The following CAMSAP2 variants were observed in gnomAD, a reference collection of about 807,000 sequenced individuals.
CAMSAP2 encodes the protein calmodulin-regulated spectrin-associated protein 2.
CAMSAP2 carries 26 observed loss-of-function variants against 146.1 expected under a neutral mutation model. The observed-to-expected ratio is 0.18, with a 90% CI of 0.13 to 0.25. CAMSAP2 has a LOEUF of 0.25. Ranked by LOEUF, CAMSAP2 falls within the 10% of genes least tolerant of loss-of-function variation. The pLI, the probability that CAMSAP2 is intolerant of heterozygous loss-of-function variation, is 1.00. For synonymous variants in CAMSAP2, 499 were observed against 596.6 expected (o/e 0.84, Z 2.38); for missense variants, 1,381 against 1,759.3 (o/e 0.78, Z 3.85).
At chr1:200,777,838 G>A (rs1468021625) in intron 2 of CAMSAP2, among the ~76,000 whole-genome samples, 1 of 152,188 alleles carries the variant, frequency 6.6e-6, no homozygotes, top group African/African-American at 2.4e-5. Context: ...TACTCGGGAG[G>A]CTGAGATGAG....
chr1:200,817,346 A>G (rs910184683), intron 4 of CAMSAP2, among the ~76,000 whole-genome samples: 2 of 151,798 alleles, frequency 1.3e-5, no homozygotes, highest in Non-Finnish European at 2.9e-5. Flanking sequence ...ATTAACATGG[A>G]TTTATTCTTT....
At chr1:200,844,335 G>A (rs1571824092) in intron 7 of CAMSAP2, among the ~76,000 whole-genome samples, 1 of 151,996 alleles carries the variant, frequency 6.6e-6, no homozygotes, top group East Asian at 2.0e-4. Flanking sequence ...AGATCACAAG[G>A]TCAAGAGTTC....
intron 3 of CAMSAP2, among the ~76,000 whole-genome samples, chr1:200,812,880 TAA>T (rs747722125): frequency 1.3e-5 from 2 of 152,346 alleles, no homozygotes; most frequent in Middle Eastern, 3.4e-3. Flanking sequence ...TTCTGTTACT[TAA>T]ACACGCAAGT....
chr1:200,804,806 C>T (rs781046824), intron 2 of CAMSAP2, among the ~76,000 whole-genome samples: 6 of 152,128 alleles, frequency 3.9e-5, no homozygotes, highest in African/African-American at 7.2e-5. Flanking sequence ...TATGAAAATG[C>T]GGTTTTAATT....
Position 200,857,613 on chromosome 1 carries a change from A to ATT in CAMSAP2, c.4132-141_4132-140insTT. On this transcript the variant is annotated intron_variant, in intron 16 of 16. Coordinates refer to ENST00000358823, the MANE Select transcript of CAMSAP2 (RefSeq NM_203459.4). This position sits in a 1 kb window ranked among gnomAD's most constrained non-coding sequence, Gnocchi z 4.7. ...AAGCCTGCAGATTTTATTAAAGACT[A>ATT]GCAATAGGCTTTAAGATTTGTCATT... The ATT allele has an allele frequency of 1.2e-6, 1 of 855,076 alleles. No homozygotes were observed. The allele number at this position is 855,076 out of a possible 1,614,324, so 53.0% of individuals were successfully genotyped here. A position where few individuals can be genotyped will look rare whatever the true frequency, so the allele number is the denominator to read the frequency against.
intron 6 of CAMSAP2, among the ~76,000 whole-genome samples, chr1:200,834,224 G>A (rs1039614482): frequency 3.3e-5 from 5 of 152,034 alleles, no homozygotes; most frequent in East Asian, 1.9e-4. Context: ...CTAGCCAGGC[G>A]TAGTGGCACG....
rs1186070528 is a variant in CAMSAP2 at position 200,772,293 on chromosome 1, G to T, written c.399+11195G>T. Among the ~76,000 whole-genome samples the T allele has an allele frequency of 3.3e-5, 5 of 151,986 alleles. No individual in the cohort carries two copies. The East Asian group carries it at 9.6e-4, about 29-fold the overall frequency. ...TGACTTTATGCATGACCCATGAATG[G>T]GTTATAAACCCACATTTAAAAAATA... On this transcript the variant is annotated intron_variant, in intron 2 of 16. Transcript: ENST00000358823.
At position 200,858,149 on chromosome 1, in the gene CAMSAP2, AC is replaced by A; in HGVS notation, c.*91del. On this transcript the variant is annotated 3_prime_UTR_variant, in exon 17 of 17. Transcript: ENST00000358823. ...GAAAATCTTTCTAATTGCCAACAAG[AC>A]TTTTATTAATTAAAACTGGACATTA... 1 of 1,157,272 alleles carries A rather than the reference AC, an allele frequency of 8.6e-7. No individual in the cohort carries two copies. The highest frequency in any genetic ancestry group is 1.2e-6 in the Non-Finnish European group (1 of 821,276). The allele number at this position is 1,157,272 out of a possible 1,614,324, so 71.7% of individuals were successfully genotyped here.
intron 2 of CAMSAP2, among the ~76,000 whole-genome samples, chr1:200,780,392 T>C (rs1211657459): frequency 6.6e-6 from 1 of 152,198 alleles, no homozygotes; most frequent in Non-Finnish European, 1.5e-5. Flanking sequence ...CAATTTTATG[T>C]AGGTAGGAGC....
Position 200,860,433 on chromosome 1 carries a change from A to G in CAMSAP2, c.*2374A>G, listed in dbSNP as rs1299082520. The G allele has an allele frequency of 6.5e-6, 1 of 152,674 alleles. No homozygotes were observed. Among genetic ancestry groups the G allele is most frequent in the East Asian group, 1.9e-4 (1 of 5,340 alleles). The allele number at this position is 152,674 out of a possible 1,614,324, so 9.5% of individuals were successfully genotyped here. On this transcript the variant is annotated 3_prime_UTR_variant, in exon 17 of 17. Coordinates refer to ENST00000358823, the MANE Select transcript of CAMSAP2 (RefSeq NM_203459.4). ...ATTCTGCTATTTGACACAGCTTTGG[A>G]AAGATTTAGTTCTTGGTTTTTCCGT...
intron 2 of CAMSAP2, among the ~76,000 whole-genome samples, chr1:200,763,392 A>C (rs1327125121): frequency 6.6e-6 from 1 of 152,110 alleles, no homozygotes; most frequent in African/African-American, 2.4e-5. Flanking sequence ...TACAAAAATT[A>C]GCCAGATGTG....
At chr1:200,833,194 T>C (rs1394008350) in intron 6 of CAMSAP2, among the ~76,000 whole-genome samples, 2 of 152,248 alleles carry the variant, frequency 1.3e-5, no homozygotes, top group African/African-American at 4.8e-5. Flanking sequence ...TTTAATTTTT[T>C]TCTCCTTATT....
At chr1:200,756,586 A>T (rs1329541860) in intron 1 of CAMSAP2, among the ~76,000 whole-genome samples, 1 of 152,174 alleles carries the variant, frequency 6.6e-6, no homozygotes, top group African/African-American at 2.4e-5. Flanking sequence ...GCAGGTAGTG[A>T]ATGTAGGTAA....
intron 6 of CAMSAP2, among the ~76,000 whole-genome samples, chr1:200,837,928 C>G (rs144510080): frequency 8.6e-5 from 13 of 151,998 alleles, no homozygotes; most frequent in African/African-American, 2.9e-4. Flanking sequence ...AATTTTGTAT[C>G]CTGAGACTTT....
chr1:200,847,754 A>G (rs1667498346), intron 10 of CAMSAP2, 45 bp downstream of exon 10: 1 of 1,446,688 alleles, frequency 6.9e-7, no homozygotes, highest in Non-Finnish European at 9.6e-7. Flanking sequence ...TTATTAAGAA[A>G]TGCAAATTGC....
intron 4 of CAMSAP2, among the ~76,000 whole-genome samples, chr1:200,828,097 A>G (rs929328833): frequency 1.3e-5 from 2 of 152,092 alleles, no homozygotes; most frequent in African/African-American, 4.8e-5. Context: ...ATATTCTACT[A>G]TATTATTATT....
chr1:200,799,420 A>G (rs1406940178), intron 2 of CAMSAP2, among the ~76,000 whole-genome samples: 1 of 152,108 alleles, frequency 6.6e-6, no homozygotes, highest in Non-Finnish European at 1.5e-5. Context: ...GTGTCCAGGA[A>G]TTTATCCATT....
At chr1:200,742,462 A>T (rs933313669) in intron 1 of CAMSAP2, among the ~76,000 whole-genome samples, 1 of 152,172 alleles carries the variant, frequency 6.6e-6, no homozygotes, top group Non-Finnish European at 1.5e-5. Context: ...ATGTTTGTAC[A>T]TTTTGTTTAT....
intron 6 of CAMSAP2, among the ~76,000 whole-genome samples, chr1:200,834,728 A>T (rs779120338): frequency 7.2e-5 from 11 of 152,224 alleles, no homozygotes; most frequent in Non-Finnish European, 1.5e-4. Flanking sequence ...GGCCTGGGCA[A>T]CATAGTGAGA....
Sources: allele counts gnomAD v4.1 joint callset (sites outside exome capture counted in the v4.1 genomes callset), GRCh38; gene constraint gnomAD v4.1.1; non-coding constraint Gnocchi (gnomAD v3.1); transcripts MANE v1.5; gene names NCBI Gene and HGNC (gene_info 2026-07-23, HGNC 2026-07-21).